The following CDH18 variants were observed in gnomAD, a reference collection of about 807,000 sequenced individuals.
CDH18 encodes the protein cadherin-18.
A neutral mutation model predicts 67.9 loss-of-function variants in CDH18; 31 were observed. The observed-to-expected ratio is 0.46, with a 90% CI of 0.34 to 0.62. CDH18 has a LOEUF of 0.62. Among genes scored for constraint, CDH18 ranks in the 20% least tolerant of loss-of-function variants. The pLI, the probability that CDH18 is intolerant of heterozygous loss-of-function variation, is 0.01. For synonymous variants in CDH18, 362 were observed against 347.2 expected, an observed-to-expected ratio of 1.04 and a Z score of -0.48; for missense variants, 890 against 975.5, an observed-to-expected ratio of 0.91 and a Z score of 1.17.
At chr5:20,461,404 G>A (rs1751258474) in intron 1 of CDH18, among the ~76,000 whole-genome samples, 1 of 152,114 alleles carries the variant, frequency 6.6e-6, no homozygotes, top group Admixed American at 6.6e-5. Flanking sequence ...AAGTTGCCAT[G>A]AGAGTCCAGT....
chr5:20,382,996 A>T (rs1030036589), intron 1 of CDH18, among the ~76,000 whole-genome samples: 2 of 152,130 alleles, frequency 1.3e-5, no homozygotes, highest in Non-Finnish European at 2.9e-5. Flanking sequence ...CTGAGCCAGC[A>T]GGAGAATTCT....
chr5:20,460,035 A>C (rs1751137204), intron 1 of CDH18, among the ~76,000 whole-genome samples: 1 of 152,184 alleles, frequency 6.6e-6, no homozygotes, highest in Admixed American at 6.5e-5. Context: ...GGTCTTTAAA[A>C]TAAACCAATG....
At chr5:19,693,475 C>G (rs975327252) in intron 5 of CDH18, among the ~76,000 whole-genome samples, 1 of 152,130 alleles carries the variant, frequency 6.6e-6, no homozygotes, top group Admixed American at 6.6e-5. Flanking sequence ...TGATTAGTAA[C>G]CTGCTCCACT....
At chr5:20,015,478 A>C (rs938707371) in intron 2 of CDH18, among the ~76,000 whole-genome samples, 2 of 152,168 alleles carry the variant, frequency 1.3e-5, no homozygotes, top group African/African-American at 4.8e-5. Flanking sequence ...GTTGCAGCCT[A>C]GAAAAACTTA....
intron 2 of CDH18, among the ~76,000 whole-genome samples, chr5:19,909,678 A>C (rs935572603): frequency 2.4e-5 from 3 of 122,530 alleles, no homozygotes; most frequent in African/African-American, 1.0e-4. Context: ...AAAGTTGCCC[A>C]GTAGGTCAAA....
chr5:19,859,589 T>C (rs979572043), intron 2 of CDH18, among the ~76,000 whole-genome samples: 9 of 152,140 alleles, frequency 5.9e-5, no homozygotes, highest in African/African-American at 2.2e-4. Flanking sequence ...TATCCACAAC[T>C]CATTATCCTA....
intron 1 of CDH18, among the ~76,000 whole-genome samples, chr5:20,360,058 A>G (rs894818303): frequency 7.0e-6 from 1 of 142,020 alleles, no homozygotes; most frequent in African/African-American, 2.7e-5. Context: ...TTATATATAT[A>G]TACTTATATT....
chr5:20,267,905 G>A (rs1459508124), intron 1 of CDH18, among the ~76,000 whole-genome samples: 1 of 152,162 alleles, frequency 6.6e-6, no homozygotes, highest in Non-Finnish European at 1.5e-5. Context: ...CACCCAGGTA[G>A]TGAACAGAGT....
At chr5:19,991,574 C>A (rs1799979179), upstream of CDH18, among the ~76,000 whole-genome samples, 1 of 151,986 alleles carries the variant, frequency 6.6e-6, no homozygotes, top group South Asian at 2.1e-4. Context: ...GTTTGGTTAG[C>A]AAGAACTATA....
intron 11 of CDH18, among the ~76,000 whole-genome samples, chr5:19,488,675 C>T (rs1326770015): frequency 6.6e-6 from 1 of 152,070 alleles, no homozygotes; most frequent in Non-Finnish European, 1.5e-5. Flanking sequence ...ATAATCGGTA[C>T]TTGATTAATA....
At chr5:20,232,324 G>A (rs1580537568) in intron 2 of CDH18, among the ~76,000 whole-genome samples, 1 of 151,992 alleles carries the variant, frequency 6.6e-6, no homozygotes. Flanking sequence ...CTCAGGCAAT[G>A]GGTTCTTGAA....
intron 2 of CDH18, among the ~76,000 whole-genome samples, chr5:20,207,565 G>T (rs112072356): frequency 0.023 from 3,550 of 152,084 alleles, 126 homozygotes; most frequent in African/African-American, 0.08. Flanking sequence ...GGAAGAAAAA[G>T]AACTCATGCA....
intron 9 of CDH18, among the ~76,000 whole-genome samples, chr5:19,538,297 A>G (rs1193161168): frequency 6.6e-6 from 1 of 152,164 alleles, no homozygotes; most frequent in Non-Finnish European, 1.5e-5. Flanking sequence ...AAATCATATT[A>G]TTATATGTTA....
chr5:19,887,434 A>T (rs1197835581), intron 2 of CDH18, among the ~76,000 whole-genome samples: 1 of 152,004 alleles, frequency 6.6e-6, no homozygotes, highest in Non-Finnish European at 1.5e-5. Flanking sequence ...TTTAAAATAG[A>T]TTTATTAACT....
chr5:19,873,377 C>T (rs962291266), intron 2 of CDH18, among the ~76,000 whole-genome samples: 1 of 152,034 alleles, frequency 6.6e-6, no homozygotes. Flanking sequence ...GCACTATCAT[C>T]TGAAGAAAAA....
intron 2 of CDH18, among the ~76,000 whole-genome samples, chr5:19,979,002 C>T (rs781025098): frequency 6.6e-6 from 1 of 152,090 alleles, no homozygotes; most frequent in African/African-American, 2.4e-5. Flanking sequence ...GGTAGTCACA[C>T]GCAGCACTTA....
At chr5:19,626,448 G>A (rs1055869454) in intron 5 of CDH18, among the ~76,000 whole-genome samples, 1 of 152,186 alleles carries the variant, frequency 6.6e-6, no homozygotes, top group Non-Finnish European at 1.5e-5. Context: ...GTGAGATCAT[G>A]AAGAGTGGCC....
At chr5:20,282,255 A>T (rs1209592845) in intron 1 of CDH18, among the ~76,000 whole-genome samples, 1 of 152,130 alleles carries the variant, frequency 6.6e-6, no homozygotes, top group Non-Finnish European at 1.5e-5. Flanking sequence ...ACTATGTTGA[A>T]TAGGAGTGGT....
chr5:20,378,369 C>T (rs532953777), intron 1 of CDH18, among the ~76,000 whole-genome samples: 15 of 152,132 alleles, frequency 9.9e-5, no homozygotes, highest in Admixed American at 7.9e-4. Context: ...GACGGGGTTT[C>T]ACCGTGTTAG....
Sources: gnomAD v4.1 joint callset for allele counts (sites outside exome capture counted in the v4.1 genomes callset) on GRCh38, gnomAD v4.1.1 for gene constraint, MANE v1.5 for transcripts, NCBI Gene and HGNC (gene_info 2026-07-23, HGNC 2026-07-21) for gene names.